Variants in THG1L observed in about 807,000 individuals in gnomAD.
The protein encoded by THG1L is probable tRNA(His) guanylyltransferase.
THG1L carries 27 observed loss-of-function variants against 35.2 expected under a neutral mutation model. That is an observed-to-expected ratio of 0.77 (90% CI 0.57 to 1.06). THG1L has a LOEUF of 1.06. Among genes scored for constraint, THG1L ranks in the 50% least tolerant of loss-of-function variants. The pLI is 0.00. For synonymous variants in THG1L, 135 were observed against 132.4 expected (o/e 1.02, Z -0.14); for missense variants, 377 against 371.8 (o/e 1.01, Z -0.12).
In THG1L at chr5:157,739,312, T is replaced by TA. The variant is rs752115189; in HGVS notation, c.736-8dup. 1.4e-5 allele frequency: 22 copies of TA among 1,611,848 alleles called. No individual in the cohort carries two copies. In the South Asian group the frequency reaches 2.2e-4, roughly 16 times the overall value. ...CTTAACAATGTCACTACTTTATTTT[T>TA]ACCTGTAGGTGGATGAAGTGATGAC... On this transcript the variant is annotated splice_polypyrimidine_tract_variant and intron_variant, in intron 5 of 5. Transcript: ENST00000231198.
chr5:157,734,822 G>C (rs1760829702), intron 3 of THG1L, 77 bp downstream of exon 3: 4 of 1,540,742 alleles, frequency 2.6e-6, no homozygotes, highest in Non-Finnish European at 3.6e-6. Context: ...ATACAGGATT[G>C]GCTCACATAT....
At chr5:157,734,812 A>G (rs1334356964) in intron 3 of THG1L, 67 bp downstream of exon 3, 24 of 1,580,528 alleles carry the variant, frequency 1.5e-5, no homozygotes, top group Non-Finnish European at 1.6e-5. Context: ...TGTTGATCTG[A>G]TACAGGATTG....
In THG1L at chr5:157,731,460, T is replaced by A. The variant is rs1353941001; in HGVS notation, c.20T>A (p.Val7Asp). 2 of 1,603,992 alleles carry A rather than the reference T, an allele frequency of 1.2e-6. No individual in the cohort carries two copies. The highest frequency in any genetic ancestry group is 2.7e-5 in the African/African-American group (2 of 74,438). ...TGTAGAATGTGGGGCGCCTGTAAAG[T>A]TAAGGTTCACGATTCCTTGGCCACC... MWGACK[V>D]KVHDSLATIS... The change falls in exon 1 of 6, where the codon GTT (valine) becomes GAT (aspartate). Residue 7 changes from valine to aspartate, a missense_variant. Transcript: ENST00000231198.
Position 157,732,993 on chromosome 5 carries a change from A to G in THG1L, c.317A>G (p.Glu106Gly), listed in dbSNP as rs751795035. 1.2e-6 allele frequency: 2 copies of G among 1,614,244 alleles called. No homozygotes were observed. Among genetic ancestry groups the G allele is most frequent in the South Asian group, 2.2e-5 (2 of 91,084 alleles). The change falls in exon 2 of 6, where the codon GAG (glutamate) becomes GGG (glycine). Residue 106 changes from glutamate (E) to glycine (G), a missense_variant. Glu to Gly is a moderately conservative substitution (Grantham distance 98). Transcript: ENST00000231198. Reference sequence around the variant, plus strand: ...GTGATCGCGTATGGACAGAGTGATGAGTACAGCTTTGTGTTCAAGCGGAAA... The same window carrying G: ...GTGATCGCGTATGGACAGAGTGATGGGTACAGCTTTGTGTTCAAGCGGAAA... ...DIVIAYGQSD[E>G]YSFVFKRKTN...
intron 5 of THG1L, 130 bp from the exon 6 acceptor site, chr5:157,739,191 A>G (rs1760967491): frequency 2.9e-6 from 2 of 695,086 alleles, no homozygotes; most frequent in Non-Finnish European, 2.4e-6. Flanking sequence ...ACATATTTAT[A>G]TCTATATATA....
In THG1L at chr5:157,733,749, A is replaced by G. The variant is rs144157659; in HGVS notation, c.368+705A>G. Reference sequence around the variant, plus strand: ...ACACTTTGAGAGGGTAAGGGAGAGGATTACTTGAGCCCAGAGGTTTGAGAC... The same window carrying G: ...ACACTTTGAGAGGGTAAGGGAGAGGGTTACTTGAGCCCAGAGGTTTGAGAC... On this transcript the variant is annotated intron_variant, in intron 2 of 5. Coordinates refer to ENST00000231198, the MANE Select transcript of THG1L (RefSeq NM_017872.5). Among the ~76,000 whole-genome samples the G allele has an allele frequency of 1.7e-3, 260 of 151,754 alleles. 2 individuals carry two copies. The South Asian group carries it at 0.028, about 17-fold the overall frequency.
chr5:157,739,262 C>T (rs576636771), intron 5 of THG1L, 59 bp from the exon 6 acceptor site: 5 of 1,558,540 alleles, frequency 3.2e-6, no homozygotes, highest in African/African-American at 1.4e-5. Flanking sequence ...CACATCTTTC[C>T]TTTCTCTCCC....
chr5:157,740,918 A>AG lies in THG1L; in HGVS notation c.*1437dup, dbSNP rs70984483. 2 of 148,900 alleles carry AG rather than the reference A, an allele frequency of 1.3e-5. No individual in the cohort carries two copies. Among genetic ancestry groups the AG allele is most frequent in the Non-Finnish European group, 3.0e-5 (2 of 67,512 alleles). 9.2% of individuals were successfully genotyped at this position (148,900 alleles called of 1,614,324 possible). A position where few individuals can be genotyped will look rare whatever the true frequency, so the allele number is the denominator to read the frequency against. Reference sequence around the variant, plus strand: ...ACTACATCTCAAAAAAAAAAAAAAAAGACATGGCTGGGCATGGTGGCTCAC... The same window carrying AG: ...ACTACATCTCAAAAAAAAAAAAAAAAGGACATGGCTGGGCATGGTGGCTCAC... On this transcript the variant is annotated 3_prime_UTR_variant, in exon 6 of 6. Coordinates refer to ENST00000231198, the MANE Select transcript of THG1L (RefSeq NM_017872.5).
In THG1L at chr5:157,731,449, C is replaced by T. The variant is rs753595501; in HGVS notation, c.9C>T (p.Gly3=). The change falls in exon 1 of 6, where the codon GGC becomes GGT. Residue 3 remains glycine, a synonymous_variant. Transcript: ENST00000231198. The part of the protein sequence containing the change: MW[G]ACKVKVHDSL... Reference sequence around the variant, plus strand: ...TCCTTTCCGCGTGTAGAATGTGGGGCGCCTGTAAAGTTAAGGTTCACGATT... The same window carrying T: ...TCCTTTCCGCGTGTAGAATGTGGGGTGCCTGTAAAGTTAAGGTTCACGATT... 5 of 1,592,590 alleles carry T rather than the reference C, an allele frequency of 3.1e-6. No homozygotes were observed. The highest frequency in any genetic ancestry group is 1.7e-5 in the Admixed American group (1 of 58,164).
At position 157,734,649 on chromosome 5, in the gene THG1L, C is replaced by G; in HGVS notation, c.442C>G (p.Gln148Glu). The G allele has an allele frequency of 6.2e-7, 1 of 1,614,136 alleles. No homozygotes were observed. The highest frequency in any genetic ancestry group is 8.5e-7 in the Non-Finnish European group (1 of 1,180,022). Reference sequence around the variant, plus strand: ...TTATTGGCGGGATTACTTTGAGGACCAGCCCCTTCTGTATCCCCCAGGCTT... The same window carrying G: ...TTATTGGCGGGATTACTTTGAGGACGAGCCCCTTCTGTATCCCCCAGGCTT... The part of the protein sequence containing the change: ...VFYWRDYFED[Q>E]PLLYPPGFDG... The change falls in exon 3 of 6, where the codon CAG becomes GAG. Residue 148 changes from glutamine (Q) to glutamate (E), a missense_variant. Coordinates refer to ENST00000231198, the MANE Select transcript of THG1L (RefSeq NM_017872.5).
intron 1 of THG1L, among the ~76,000 whole-genome samples, chr5:157,731,835 G>A (rs1261827425): frequency 6.6e-6 from 1 of 152,264 alleles, no homozygotes; most frequent in African/African-American, 2.4e-5. Context: ...AATTGAATGG[G>A]CGATGTGCTC....
At chr5:157,734,100 A>G (rs1292323474) in intron 2 of THG1L, among the ~76,000 whole-genome samples, 4 of 152,010 alleles carry the variant, frequency 2.6e-5, no homozygotes, top group Non-Finnish European at 5.9e-5. Flanking sequence ...TTTAAAATAC[A>G]TAACTGGCCA....
intron 4 of THG1L, among the ~76,000 whole-genome samples, chr5:157,737,148 G>A (rs1283604365): frequency 5.3e-5 from 8 of 152,058 alleles, no homozygotes; most frequent in African/African-American, 9.7e-5. Context: ...TCAATAAATG[G>A]TTGTCATTTT....
chr5:157,739,283 C>T (rs367823735), intron 5 of THG1L, 38 bp from the exon 6 acceptor site: 33 of 1,598,888 alleles, frequency 2.1e-5, no homozygotes, highest in Non-Finnish European at 2.8e-5. Context: ...AAACCCACTC[C>T]TGACTTAACA....
At chr5:157,732,425 G>T (rs1250559542) in intron 1 of THG1L, among the ~76,000 whole-genome samples, 1 of 152,076 alleles carries the variant, frequency 6.6e-6, no homozygotes. Flanking sequence ...TCCAGCTTGG[G>T]TGACAGAGCA....
rs1034556670 is a variant in THG1L at position 157,736,824 on chromosome 5, G to A, written c.627+890G>A. On this transcript the variant is annotated intron_variant, in intron 4 of 5. Transcript: ENST00000231198. The stretch of plus-strand genomic sequence containing the variant: ...GTGAGAATTAAATGGCATGATGCAC[G>A]TAAAACACAGAATCGTATGAAGCAC... Among the ~76,000 whole-genome samples the A allele has an allele frequency of 7.9e-5, 12 of 152,258 alleles. No individual in the cohort carries two copies. In the South Asian group the frequency reaches 2.5e-3, roughly 32 times the overall value.
Position 157,734,507 on chromosome 5 carries a change from C to T in THG1L, c.369-69C>T. 3 of 1,573,306 alleles carry T rather than the reference C, an allele frequency of 1.9e-6. No individual in the cohort carries two copies. The South Asian group carries it at 3.4e-5, about 18-fold the overall frequency. On this transcript the variant is annotated intron_variant, in intron 2 of 5. Transcript: ENST00000231198. ...TCTCTGTGGTACCCACAGGTCTTAT[C>T]ATGGTGTTGAACTAATTCCGTGTAT...
At position 157,740,844 on chromosome 5, in the gene THG1L, C is replaced by G. The variant is rs1161511291; in HGVS notation, c.*1362C>G. 1 of 146,474 alleles carries G rather than the reference C, an allele frequency of 6.8e-6. No homozygotes were observed. The highest frequency in any genetic ancestry group is 2.1e-4 in the South Asian group (1 of 4,654). 9.1% of individuals were successfully genotyped at this position (146,474 alleles called of 1,614,324 possible). A position where few individuals can be genotyped will look rare whatever the true frequency, so the allele number is the denominator to read the frequency against. On this transcript the variant is annotated 3_prime_UTR_variant, in exon 6 of 6. Coordinates refer to ENST00000231198, the MANE Select transcript of THG1L (RefSeq NM_017872.5). ...ATTTGAACTCAGGAGGCGGAAGTTG[C>G]GGTGAGCCAAGATTGTGCCATTGCA...
intron 5 of THG1L, 29 bp from the exon 6 acceptor site, chr5:157,739,289 TAAC>T (rs756564178): frequency 3.7e-6 from 6 of 1,603,740 alleles, no homozygotes; most frequent in Non-Finnish European, 8.5e-7. Context: ...ACTCCTGACT[TAAC>T]AATGTCACTA....
Sources: allele counts gnomAD v4.1 joint callset (sites outside exome capture counted in the v4.1 genomes callset), GRCh38; gene constraint gnomAD v4.1.1; transcripts MANE v1.5; gene names NCBI Gene and HGNC (gene_info 2026-07-23, HGNC 2026-07-21).